The following PALM2AKAP2 variants were observed in gnomAD, a reference collection of about 807,000 sequenced individuals.
PALM2AKAP2 encodes PALM2-AKAP2 fusion protein.
In PALM2AKAP2, 37 loss-of-function variants were observed where a neutral mutation model predicts 71.5. The ratio of observed to expected loss-of-function variants is 0.52; its 90% CI spans 0.40 to 0.68. The LOEUF (loss-of-function observed/expected upper bound fraction) is 0.68. Ranked by LOEUF, PALM2AKAP2 falls within the 30% of genes least tolerant of loss-of-function variation. PALM2AKAP2 has a pLI of 0.00. For missense variants in PALM2AKAP2, 1,224 were observed against 1,191.8 expected, an observed-to-expected ratio of 1.03 and a Z score of -0.40; for synonymous variants, 468 against 478.8, an observed-to-expected ratio of 0.98 and a Z score of 0.29.
At chr9:109,965,884 T>A (rs759376812) in intron 6 of PALM2AKAP2, among the ~76,000 whole-genome samples, 72 of 152,300 alleles carry the variant, frequency 4.7e-4, no homozygotes, top group Admixed American at 1.4e-3. Flanking sequence ...CTAAAAGTAG[T>A]CAACGAAGGA....
chr9:109,857,541 T>G (rs749529053), intron 1 of PALM2AKAP2, among the ~76,000 whole-genome samples: 4 of 152,226 alleles, frequency 2.6e-5, no homozygotes, highest in Non-Finnish European at 1.5e-5. Context: ...TCATTTGCCC[T>G]GGATGGCTTT....
At chr9:110,084,712 C>A (rs1018108643) in intron 1 of PALM2AKAP2, among the ~76,000 whole-genome samples, 15 of 152,062 alleles carry the variant, frequency 9.9e-5, no homozygotes, top group African/African-American at 3.6e-4. Context: ...ACTACACGTG[C>A]TACCATACTT....
exon 1 of PALM2AKAP2, chr9:110,048,784 G>A: frequency 6.5e-7 from 1 of 1,534,840 alleles, no homozygotes; most frequent in Non-Finnish European, 8.7e-7. Context: ...CCCGGAGCGG[G>A]AGGCAGCGGC....
At chr9:109,682,567 C>T (rs756712042) in intron 1 of PALM2AKAP2, among the ~76,000 whole-genome samples, 3 of 152,154 alleles carry the variant, frequency 2.0e-5, no homozygotes, top group Admixed American at 6.6e-5. Flanking sequence ...GGCCATTTGA[C>T]GACTTACTAC....
chr9:109,842,186 A>G (rs1169296622), intron 1 of PALM2AKAP2, among the ~76,000 whole-genome samples: 1 of 152,166 alleles, frequency 6.6e-6, no homozygotes, highest in Non-Finnish European at 1.5e-5. Context: ...GTTAGAGTCC[A>G]AAGTCGGGTG....
intron 1 of PALM2AKAP2, among the ~76,000 whole-genome samples, chr9:109,797,651 C>T (rs527784228): frequency 1.3e-5 from 2 of 152,354 alleles, no homozygotes; most frequent in South Asian, 4.1e-4. Flanking sequence ...CGTTGCACAC[C>T]TTGGCTGTGA....
chr9:109,799,413 G>A (rs1420090171), intron 1 of PALM2AKAP2, among the ~76,000 whole-genome samples: 2 of 152,214 alleles, frequency 1.3e-5, no homozygotes, highest in Non-Finnish European at 2.9e-5. Flanking sequence ...GTTCCTGACT[G>A]CCGGTCCCTG....
chr9:109,990,279 C>T (rs1038252307), intron 6 of PALM2AKAP2, among the ~76,000 whole-genome samples: 2 of 152,002 alleles, frequency 1.3e-5, no homozygotes, highest in East Asian at 1.9e-4. Context: ...AGGCTGGTCT[C>T]GAACTTCTGA....
intron 1 of PALM2AKAP2, among the ~76,000 whole-genome samples, chr9:109,842,213 G>A (rs1480827193): frequency 1.3e-5 from 2 of 152,154 alleles, no homozygotes; most frequent in African/African-American, 4.8e-5. Context: ...CCTGGGGAGT[G>A]TACAGGACCA....
At chr9:110,111,138 C>A (rs2118939865) in intron 1 of PALM2AKAP2, among the ~76,000 whole-genome samples, 1 of 123,630 alleles carries the variant, frequency 8.1e-6, no homozygotes, top group African/African-American at 3.3e-5. Context: ...GTCACCCAGG[C>A]TGGAGTACAG....
chr9:110,093,685 C>A (rs1315793531), intron 1 of PALM2AKAP2, among the ~76,000 whole-genome samples: 1 of 152,152 alleles, frequency 6.6e-6, no homozygotes, highest in Non-Finnish European at 1.5e-5. Context: ...CCAGGCTCAT[C>A]TCCCCTGCTG....
At position 110,141,166 on chromosome 9, in the gene PALM2AKAP2, C is replaced by T. The variant is rs11790349; in HGVS notation, c.2569+2627C>T. Among the ~76,000 whole-genome samples, 1,476 of 152,280 alleles carry T rather than the reference C, an allele frequency of 9.7e-3. 11 individuals carry two copies. The highest frequency in any genetic ancestry group is 0.024 in the Middle Eastern group (7 of 294). On this transcript the variant is annotated intron_variant, in intron 2 of 3. Transcript: ENST00000374525. Reference sequence around the variant, plus strand: ...GTCCATCAGGCTTCCCCACCAGGACCGAGGTTGCCTTAAACAAGTCAGCAT... The same window carrying T: ...GTCCATCAGGCTTCCCCACCAGGACTGAGGTTGCCTTAAACAAGTCAGCAT...
chr9:110,052,800 G>T (rs927870654), intron 1 of PALM2AKAP2, among the ~76,000 whole-genome samples: 1 of 152,166 alleles, frequency 6.6e-6, no homozygotes, highest in Non-Finnish European at 1.5e-5. Context: ...ATTTTGTGGT[G>T]GTCTCAGCAT....
intron 1 of PALM2AKAP2, among the ~76,000 whole-genome samples, chr9:109,825,953 TG>T (rs1828137457): frequency 6.6e-6 from 1 of 152,164 alleles, no homozygotes; most frequent in South Asian, 2.1e-4. Flanking sequence ...AGGAAAGACT[TG>T]GAACCAACCC....
At chr9:109,780,152 C>A, upstream of PALM2AKAP2, 1 of 332,496 alleles carries the variant, frequency 3.0e-6, no homozygotes, top group Non-Finnish European at 4.3e-6. Flanking sequence ...GACGTCAGGG[C>A]GGAGAACTAG....
At chr9:109,743,271 GATT>G (rs1828744322) in intron 1 of PALM2AKAP2, among the ~76,000 whole-genome samples, 1 of 152,182 alleles carries the variant, frequency 6.6e-6, no homozygotes, top group Non-Finnish European at 1.5e-5. Flanking sequence ...CAAGAAGTAA[GATT>G]TATGGCAGAA....
At position 109,931,920 on chromosome 9, in the gene PALM2AKAP2, C is replaced by T. The variant is rs773412761; in HGVS notation, c.395-7C>T. The stretch of plus-strand genomic sequence containing the variant: ...GACTAATTGTATTCCCTGTTCTCTG[C>T]TACCAGATGCAGTAAATTACATTTC... On this transcript the variant is annotated splice_polypyrimidine_tract_variant and splice_region_variant and intron_variant, in intron 5 of 9. Coordinates refer to the PALM2AKAP2 transcript ENST00000302798. The T allele has an allele frequency of 1.2e-6, 2 of 1,613,600 alleles. No individual in the cohort carries two copies. The highest frequency in any genetic ancestry group is 1.7e-6 in the Non-Finnish European group (2 of 1,179,730).
chr9:109,655,989 T>A (rs963792055), intron 1 of PALM2AKAP2, among the ~76,000 whole-genome samples: 1 of 152,202 alleles, frequency 6.6e-6, no homozygotes. Context: ...AGTACAGTAT[T>A]TTCTAGAAGT....
intron 1 of PALM2AKAP2, among the ~76,000 whole-genome samples, chr9:110,068,561 C>G (rs1047923267): frequency 6.7e-6 from 1 of 150,064 alleles, no homozygotes; most frequent in Non-Finnish European, 1.5e-5. Flanking sequence ...ACAGGGTCTC[C>G]TTCTGTTGCC....
Sources: allele counts gnomAD v4.1 joint callset (sites outside exome capture counted in the v4.1 genomes callset), GRCh38; gene constraint gnomAD v4.1.1; transcripts MANE v1.5; gene names NCBI Gene and HGNC (gene_info 2026-07-23, HGNC 2026-07-21).